Variants in PACRG observed in about 807,000 individuals in gnomAD.
PACRG encodes parkin coregulated gene protein.
PACRG carries 29 observed loss-of-function variants against 29.7 expected under a neutral mutation model. That is an observed-to-expected ratio of 0.98 (90% CI 0.73 to 1.33). The LOEUF (loss-of-function observed/expected upper bound fraction) is 1.33, where lower values mean the gene tolerates loss of function less well. Ranked by LOEUF, PACRG falls within the 40% of genes most tolerant of loss-of-function variation. PACRG has a pLI of 0.00. For synonymous variants in PACRG, 116 were observed against 118.7 expected (o/e 0.98, Z 0.15); for missense variants, 279 against 316.2 (o/e 0.88, Z 0.89).
intron 4 of PACRG, among the ~76,000 whole-genome samples, chr6:163,097,082 G>C (rs960937304): frequency 1.3e-5 from 2 of 152,170 alleles, no homozygotes; most frequent in Non-Finnish European, 2.9e-5. Flanking sequence ...GCTGAGTAGT[G>C]ACCTACGCAT....
chr6:163,015,133 A>C (rs191767868), intron 2 of PACRG, among the ~76,000 whole-genome samples: 79 of 152,160 alleles, frequency 5.2e-4, no homozygotes, highest in African/African-American at 1.9e-3. Context: ...ATTTTTGTCA[A>C]CTTCATCAAA....
intron 2 of PACRG, among the ~76,000 whole-genome samples, chr6:162,975,172 G>C (rs1801846927): frequency 6.6e-6 from 1 of 152,148 alleles, no homozygotes; most frequent in Non-Finnish European, 1.5e-5. Context: ...TGTTGGCTGA[G>C]AGGCTGAAAA....
chr6:163,225,091 A>G (rs1476402883), intron 4 of PACRG, among the ~76,000 whole-genome samples: 1 of 152,362 alleles, frequency 6.6e-6, no homozygotes, highest in Non-Finnish European at 1.5e-5. Context: ...GGTACATGAA[A>G]AAATGGTCAG....
At chr6:162,987,646 C>T (rs530094670) in intron 2 of PACRG, among the ~76,000 whole-genome samples, 47 of 152,264 alleles carry the variant, frequency 3.1e-4, no homozygotes, top group Admixed American at 7.9e-4. Context: ...CTCAGCCAGG[C>T]GGAACTATGA....
chr6:162,949,555 A>C, intron 2 of PACRG, among the ~76,000 whole-genome samples: 1 of 152,338 alleles, frequency 6.6e-6, no homozygotes, highest in Non-Finnish European at 1.5e-5. Flanking sequence ...GGTGCTAGAT[A>C]CTATAAATAC....
At chr6:163,061,119 T>A (rs913988526) in intron 2 of PACRG, among the ~76,000 whole-genome samples, 1 of 152,166 alleles carries the variant, frequency 6.6e-6, no homozygotes, top group Non-Finnish European at 1.5e-5. Flanking sequence ...AACTAGAAGC[T>A]GGGTGCATTC....
At chr6:163,261,620 C>T (rs2128175618) in intron 4 of PACRG, among the ~76,000 whole-genome samples, 1 of 152,352 alleles carries the variant, frequency 6.6e-6, no homozygotes, top group Middle Eastern at 3.4e-3. Context: ...ACACTCGGCC[C>T]TGCTGGTCAG....
In PACRG at chr6:163,062,222, C is replaced by T. The variant is rs866953901; in HGVS notation, c.364C>T (p.Pro122Ser). 6.2e-7 allele frequency: 1 copy of T among 1,614,114 alleles called. No homozygotes were observed. The highest frequency in any genetic ancestry group is 8.5e-7 in the Non-Finnish European group (1 of 1,180,006). ...FFDGLCEMTF[P>S]YEFFARQGIH... ...TGATGGGCTTTGTGAAATGACATTTCCCTATGAGTTTTTTGCTCGGCAAGG... is the reference window on the plus strand; with the variant it reads ...TGATGGGCTTTGTGAAATGACATTTTCCTATGAGTTTTTTGCTCGGCAAGG... The change falls in exon 3 of 5, where the codon CCC (proline) becomes TCC (serine). Residue 122 changes from proline (P) to serine (S), a missense_variant. Coordinates refer to ENST00000366888, the MANE Select transcript of PACRG (RefSeq NM_001080379.2).
At chr6:163,265,120 A>G (rs1236969142) in intron 4 of PACRG, among the ~76,000 whole-genome samples, 1 of 152,246 alleles carries the variant, frequency 6.6e-6, no homozygotes, top group Non-Finnish European at 1.5e-5. Flanking sequence ...GAATGAACGC[A>G]TGCATGAACG....
At chr6:162,997,741 A>G (rs1804206965) in intron 2 of PACRG, among the ~76,000 whole-genome samples, 1 of 152,346 alleles carries the variant, frequency 6.6e-6, no homozygotes, top group South Asian at 2.1e-4. Flanking sequence ...AATACTTGAC[A>G]TTGTCAGACT....
chr6:163,169,181 T>G (rs1778952474), intron 4 of PACRG, among the ~76,000 whole-genome samples: 1 of 152,232 alleles, frequency 6.6e-6, no homozygotes, highest in Non-Finnish European at 1.5e-5. Flanking sequence ...CCAGTTGTCC[T>G]TTTTCTAATT....
rs867089420 is a variant in PACRG at position 163,212,647 on chromosome 6, A to G, written c.614-102180A>G. 2.8e-4 allele frequency among the ~76,000 whole-genome samples: 43 copies of G among 152,342 alleles called. 1 individual carries two copies. The highest frequency in any genetic ancestry group is 9.1e-4 in the African/African-American group (38 of 41,582). Reference sequence around the variant, plus strand: ...GACTACATTAGGAATTAATGACTCCATATTAATATAAATGAATAAATGAAT... The same window carrying G: ...GACTACATTAGGAATTAATGACTCCGTATTAATATAAATGAATAAATGAAT... On this transcript the variant is annotated intron_variant, in intron 4 of 4. Coordinates refer to ENST00000366888, the MANE Select transcript of PACRG (RefSeq NM_001080379.2).
At chr6:163,300,007 T>A (rs1784926531) in intron 4 of PACRG, among the ~76,000 whole-genome samples, 1 of 152,194 alleles carries the variant, frequency 6.6e-6, no homozygotes, top group East Asian at 1.9e-4. Context: ...TACAGATATT[T>A]CCAAGAGGCT....
chr6:162,774,566 T>A (rs1020292751), intron 1 of PACRG, among the ~76,000 whole-genome samples: 1 of 152,224 alleles, frequency 6.6e-6, no homozygotes, highest in Non-Finnish European at 1.5e-5. Flanking sequence ...GTCAGGATAT[T>A]CTATTAACAA....
chr6:163,242,544 T>A (rs1782544226), intron 4 of PACRG, among the ~76,000 whole-genome samples: 1 of 152,224 alleles, frequency 6.6e-6, no homozygotes, highest in African/African-American at 2.4e-5. Context: ...AGCCAAAAAG[T>A]GAGAGACAGC....
chr6:162,835,999 T>C (rs1025792351), intron 2 of PACRG, among the ~76,000 whole-genome samples: 1 of 152,164 alleles, frequency 6.6e-6, no homozygotes, highest in Non-Finnish European at 1.5e-5. Context: ...CCGTCCCACA[T>C]CCTGTTCTGT....
intron 3 of PACRG, among the ~76,000 whole-genome samples, chr6:163,087,792 A>G (rs1813731100): frequency 6.6e-6 from 1 of 150,740 alleles, no homozygotes; most frequent in African/African-American, 2.5e-5. Flanking sequence ...ACCAGAGGAG[A>G]GGAGGTGAAG....
chr6:162,969,746 A>G (rs1801370021), intron 2 of PACRG, among the ~76,000 whole-genome samples: 1 of 152,136 alleles, frequency 6.6e-6, no homozygotes, highest in Admixed American at 6.5e-5. Flanking sequence ...AAATGTCACT[A>G]TCTTCAAGAC....
At chr6:162,887,145 C>G (rs1175755699) in intron 2 of PACRG, among the ~76,000 whole-genome samples, 2 of 152,150 alleles carry the variant, frequency 1.3e-5, no homozygotes, top group South Asian at 2.1e-4. Flanking sequence ...CCACCATGTG[C>G]TCACCATCAT....
Sources: gnomAD v4.1 joint callset for allele counts (sites outside exome capture counted in the v4.1 genomes callset) on GRCh38, gnomAD v4.1.1 for gene constraint, MANE v1.5 for transcripts, NCBI Gene and HGNC (gene_info 2026-07-23, HGNC 2026-07-21) for gene names.